SLC18A2: variants seen among roughly 807,000 people sequenced by gnomAD.
SLC18A2 encodes synaptic vesicular amine transporter.
A neutral mutation model predicts 59.2 loss-of-function variants in SLC18A2; 33 were observed. The observed-to-expected ratio is 0.56, with a 90% CI of 0.42 to 0.75. SLC18A2 has a LOEUF of 0.75. Ranked by LOEUF, SLC18A2 falls within the 30% of genes least tolerant of loss-of-function variation. The probability of loss-of-function intolerance (pLI) is 0.00; values close to 1 mark genes in which losing one functional copy is unlikely to be tolerated. For missense variants in SLC18A2, 569 were observed against 668.6 expected (o/e 0.85, Z 1.64); for synonymous variants, 228 against 253.5 (o/e 0.90, Z 0.95).
At position 117,278,302 on chromosome 10, in the gene SLC18A2, G is replaced by C. The variant is rs1197357963; in HGVS notation, c.*1036G>C. 1 of 152,094 alleles carries C rather than the reference G, an allele frequency of 6.6e-6. No individual in the cohort carries two copies. 9.4% of individuals were successfully genotyped at this position (152,094 alleles called of 1,614,324 possible). ...TGAAAGTTGTTCACATCAATGTGAA[G>C]ACAAATTTTAAATGAAAATGAAGAA... On this transcript the variant is annotated 3_prime_UTR_variant, in exon 16 of 16. Coordinates refer to ENST00000644641, the MANE Select transcript of SLC18A2 (RefSeq NM_003054.6).
In SLC18A2 at chr10:117,262,919, A is replaced by G. The variant is rs1844310242; in HGVS notation, c.992-3814A>G. On this transcript the variant is annotated intron_variant, in intron 10 of 15. Coordinates refer to ENST00000644641, the MANE Select transcript of SLC18A2 (RefSeq NM_003054.6). ...TGTTTTGTGCTCATCCTCTTCAGACAAAGCCTGAGGCTTTCTTTATAAAAT... is the reference window on the plus strand; with the variant it reads ...TGTTTTGTGCTCATCCTCTTCAGACGAAGCCTGAGGCTTTCTTTATAAAAT... Among the ~76,000 whole-genome samples the G allele has an allele frequency of 2.0e-5, 3 of 152,164 alleles. No homozygotes were observed. The South Asian group carries it at 6.2e-4, about 32-fold the overall frequency.
chr10:117,269,964 A>C lies in SLC18A2; in HGVS notation c.1187-107A>C. ...AAGACTTGCAGGTGGTGATGACAGA[A>C]GGGGAAGAGCTGGCAGGGTGGTGAG... is the stretch of plus-strand genomic sequence containing the variant. On this transcript the variant is annotated intron_variant, in intron 13 of 15. Coordinates refer to ENST00000644641, the MANE Select transcript of SLC18A2 (RefSeq NM_003054.6). The surrounding 1 kb of genome is among the most constrained non-coding windows in gnomAD (Gnocchi z 5.1). 1 of 1,353,364 alleles carries C rather than the reference A, an allele frequency of 7.4e-7. No homozygotes were observed. The highest frequency in any genetic ancestry group is 2.3e-5 in the East Asian group (1 of 42,774). The allele number at this position is 1,353,364 out of a possible 1,614,324, so 83.8% of individuals were successfully genotyped here. A position where few individuals can be genotyped will look rare whatever the true frequency, so the allele number is the denominator to read the frequency against.
intron 4 of SLC18A2, 63 bp from the exon 5 acceptor site, chr10:117,253,985 C>T: frequency 6.7e-7 from 1 of 1,489,628 alleles, no homozygotes; most frequent in Non-Finnish European, 9.3e-7. Context: ...TGAAACGTTC[C>T]TGTTTGGGAC....
At chr10:117,263,721 T>C (rs1844319189) in intron 10 of SLC18A2, among the ~76,000 whole-genome samples, 1 of 152,166 alleles carries the variant, frequency 6.6e-6, no homozygotes, top group Admixed American at 6.5e-5. Flanking sequence ...GGGTGAGGCC[T>C]ACAAGCCCCC....
Position 117,277,165 on chromosome 10 carries a change from A to G in SLC18A2, c.1444A>G (p.Ile482Val). ...SPPAKEEKMA[I>V]LMDHNCPIKT... The stretch of plus-strand genomic sequence containing the variant: ...CTTGCACTTTGCTCTCTTTTAGGCT[A>G]TTCTCATGGATCACAACTGCCCTAT... The change falls in exon 16 of 16, where the codon ATT becomes GTT. Residue 482 changes from isoleucine to valine, a missense_variant. Around this residue, in one of 2 missense-constraint regions of SLC18A2, gnomAD observed 192 missense variants for 278.8 expected, o/e 0.69. Coordinates refer to ENST00000644641, the MANE Select transcript of SLC18A2 (RefSeq NM_003054.6). 1 of 1,574,912 alleles carries G rather than the reference A, an allele frequency of 6.3e-7. No individual in the cohort carries two copies. Among genetic ancestry groups the G allele is most frequent in the Middle Eastern group, 1.7e-4 (1 of 5,886 alleles).
At chr10:117,273,113 T>C (rs140522155) in intron 15 of SLC18A2, among the ~76,000 whole-genome samples, 52 of 152,386 alleles carry the variant, frequency 3.4e-4, no homozygotes, top group Middle Eastern at 3.4e-3. Context: ...TTGTAAGATA[T>C]AATGCTGTTT....
intron 10 of SLC18A2, among the ~76,000 whole-genome samples, chr10:117,261,191 C>T (rs1378919075): frequency 1.2e-5 from 1 of 85,994 alleles, no homozygotes; most frequent in East Asian, 3.4e-4. Context: ...GATCCTGTCT[C>T]TACAAAAACA....
At chr10:117,272,972 C>T (rs1844443703) in intron 15 of SLC18A2, among the ~76,000 whole-genome samples, 1 of 152,240 alleles carries the variant, frequency 6.6e-6, no homozygotes, top group Non-Finnish European at 1.5e-5. Flanking sequence ...CAGACAAGTG[C>T]TGGCGTTCAG....
In SLC18A2 at chr10:117,277,923, T is replaced by C. The variant is rs902635312; in HGVS notation, c.*657T>C. On this transcript the variant is annotated 3_prime_UTR_variant, in exon 16 of 16. Transcript: ENST00000644641. ...TTGTAAATTATATGTTAACATGTTA[T>C]CTGGTTGGCAGCAAACACTAAAGCC... 6 of 152,222 alleles carry C rather than the reference T, an allele frequency of 3.9e-5. No individual in the cohort carries two copies. The highest frequency in any genetic ancestry group is 1.4e-4 in the African/African-American group (6 of 41,464). 9.4% of individuals were successfully genotyped at this position (152,222 alleles called of 1,614,324 possible). A position where few individuals can be genotyped will look rare whatever the true frequency, so the allele number is the denominator to read the frequency against.
At chr10:117,258,667 A>C (rs1156440434) in intron 10 of SLC18A2, among the ~76,000 whole-genome samples, 1 of 152,044 alleles carries the variant, frequency 6.6e-6, no homozygotes, top group Non-Finnish European at 1.5e-5. Context: ...ACGCCTCTTG[A>C]TCCCCAAAGC....
chr10:117,261,241 C>T (rs1431427328), intron 10 of SLC18A2, among the ~76,000 whole-genome samples: 2 of 118,846 alleles, frequency 1.7e-5, no homozygotes, highest in Admixed American at 8.7e-5. Flanking sequence ...AAAACAGCAA[C>T]AAAAAAATTA....
In SLC18A2 at chr10:117,267,046, G is replaced by C. The variant is rs2133742065; in HGVS notation, c.1122+11G>C. 6.2e-7 allele frequency: 1 copy of C among 1,606,288 alleles called. No individual in the cohort carries two copies. Among genetic ancestry groups the C allele is most frequent in the African/African-American group, 1.3e-5 (1 of 74,884 alleles). ...GTCAGCATTTTATGTGTGAGTAAAA[G>C]ATGGCATTTGACAAGTGGGAACAAT... On this transcript the variant is annotated intron_variant, in intron 12 of 15. Coordinates refer to ENST00000644641, the MANE Select transcript of SLC18A2 (RefSeq NM_003054.6).
intron 2 of SLC18A2, 129 bp downstream of exon 2, chr10:117,241,943 A>G (rs1844060599): frequency 2.1e-6 from 2 of 955,118 alleles, no homozygotes; most frequent in East Asian, 3.1e-5. Context: ...TCGCTTTGCA[A>G]AAAAGACATC....
intron 3 of SLC18A2, among the ~76,000 whole-genome samples, chr10:117,253,100 A>T (rs1844182658): frequency 1.3e-5 from 2 of 152,196 alleles, no homozygotes; most frequent in East Asian, 1.9e-4. Flanking sequence ...ATCATTTTTT[A>T]AAAATGACAG....
intron 10 of SLC18A2, among the ~76,000 whole-genome samples, chr10:117,261,225 A>AAAACAAAAC (rs71301596): frequency 0.39 from 58,945 of 150,782 alleles, 11,895 homozygotes; most frequent in East Asian, 0.46. Flanking sequence ...CAAAACAAAA[A>AAAACAAAAC]ACCCAAAAAC....
chr10:117,266,303 G>T (rs1190355049), intron 10 of SLC18A2, among the ~76,000 whole-genome samples: 1 of 152,040 alleles, frequency 6.6e-6, no homozygotes, highest in African/African-American at 2.4e-5. Flanking sequence ...TCTGAGTAAT[G>T]GATGGGGTTT....
Position 117,269,757 on chromosome 10 carries a change from G to A in SLC18A2, c.1187-314G>A, listed in dbSNP as rs1844402655. 6.6e-6 allele frequency among the ~76,000 whole-genome samples: 1 copy of A among 152,204 alleles called. No homozygotes were observed. Among genetic ancestry groups the A allele is most frequent in the African/African-American group, 2.4e-5 (1 of 41,434 alleles). On this transcript the variant is annotated intron_variant, in intron 13 of 15. Coordinates refer to ENST00000644641, the MANE Select transcript of SLC18A2 (RefSeq NM_003054.6). This position sits in a 1 kb window ranked among gnomAD's most constrained non-coding sequence, Gnocchi z 5.1. ...GCTTGCTGCTTCCTAATATGTACAA[G>A]TGCTGGGGATATGGGTGAACAAAAC... is the stretch of plus-strand genomic sequence containing the variant.
intron 4 of SLC18A2, 99 bp downstream of exon 4, chr10:117,253,556 G>GGAC: frequency 2.9e-6 from 1 of 347,794 alleles, no homozygotes; most frequent in African/African-American, 2.3e-5. Flanking sequence ...GGACGGCGGG[G>GGAC]GGGCGGGGGG....
At chr10:117,251,288 C>T (rs1464194940) in intron 3 of SLC18A2, among the ~76,000 whole-genome samples, 2 of 152,184 alleles carry the variant, frequency 1.3e-5, no homozygotes, top group African/African-American at 2.4e-5. Context: ...AATAAATTGC[C>T]TGTGAGTTCT....
Sources: allele counts gnomAD v4.1 joint callset (sites outside exome capture counted in the v4.1 genomes callset), GRCh38; gene constraint gnomAD v4.1.1; regional missense constraint gnomAD v4.1.1; non-coding constraint Gnocchi (gnomAD v3.1); transcripts MANE v1.5; gene names NCBI Gene and HGNC (gene_info 2026-07-23, HGNC 2026-07-21).